The following ZMAT3 variants were observed in gnomAD, a reference collection of about 807,000 sequenced individuals.
ZMAT3 encodes zinc finger matrin-type protein 3.
ZMAT3 carries 17 observed loss-of-function variants against 32.3 expected under a neutral mutation model. That is an observed-to-expected ratio of 0.53 (90% confidence interval 0.36 to 0.79). The LOEUF is 0.79. Among genes scored for constraint, ZMAT3 ranks in the 30% least tolerant of loss-of-function variants. ZMAT3 has a pLI of 0.00. For missense variants in ZMAT3, 329 were observed against 359.7 expected, an observed-to-expected ratio of 0.91 and a Z score of 0.69; for synonymous variants, 120 against 133.1, an observed-to-expected ratio of 0.90 and a Z score of 0.68.
Position 179,023,220 on chromosome 3 carries a change from G to C in ZMAT3, c.*1797C>G, listed in dbSNP as rs1718642309. ...TCTGTCGCCCAGACTGGAGTGCAGT[G>C]GCACGATTCTTGGCTGACTGCAACC... On this transcript the variant is annotated 3_prime_UTR_variant, in exon 6 of 6. Coordinates refer to ENST00000311417, the MANE Select transcript of ZMAT3 (RefSeq NM_022470.4). The C allele has an allele frequency of 1.3e-5, 2 of 150,432 alleles. No individual in the cohort carries two copies. The highest frequency in any genetic ancestry group is 1.3e-4 in the Admixed American group (2 of 15,170). 9.3% of individuals were successfully genotyped at this position (150,432 alleles called of 1,614,324 possible). A position where few individuals can be genotyped will look rare whatever the true frequency, so the allele number is the denominator to read the frequency against.
At chr3:179,038,460 C>T (rs1719726582) in intron 2 of ZMAT3, among the ~76,000 whole-genome samples, 1 of 152,098 alleles carries the variant, frequency 6.6e-6, no homozygotes, top group African/African-American at 2.4e-5. Flanking sequence ...AACCTATGGT[C>T]CCAGCTGCTG....
In ZMAT3 at chr3:179,023,599, T is replaced by TATAA. The variant is rs1718663368; in HGVS notation, c.*1417_*1418insTTAT. On this transcript the variant is annotated 3_prime_UTR_variant, in exon 6 of 6. Transcript: ENST00000311417. ...TATCAAGCAATCTGAACTTATGGTT[T>TATAA]AGATCATGATATAAGCGCATGTTAC... The TATAA allele has an allele frequency of 5.5e-5, 8 of 144,648 alleles. No homozygotes were observed. In the South Asian group the frequency reaches 1.8e-3, roughly 32 times the overall value. The allele number at this position is 144,648 out of a possible 1,614,324, so 9.0% of individuals were successfully genotyped here.
In ZMAT3 at chr3:179,018,135, G is replaced by A. The variant is rs371146090; in HGVS notation, c.*6882C>T. 23 of 152,134 alleles carry A rather than the reference G, an allele frequency of 1.5e-4. No individual in the cohort carries two copies. The East Asian group carries it at 3.9e-3, about 26-fold the overall frequency. The allele number at this position is 152,134 out of a possible 1,614,324, so 9.4% of individuals were successfully genotyped here. ...AGTAGAAACAAACTGCCCTATTTGC[G>A]CTTTGCCCTAGGATAATATCACTCA... On this transcript the variant is annotated 3_prime_UTR_variant, in exon 6 of 6. Transcript: ENST00000311417.
At chr3:179,027,376 G>C in intron 5 of ZMAT3, 47 bp downstream of exon 5, 1 of 1,496,194 alleles carries the variant, frequency 6.7e-7, no homozygotes, top group East Asian at 2.3e-5. Flanking sequence ...AAACAAAGGA[G>C]ACTAGGTACA....
rs190554809 is a variant in ZMAT3, at chr3:179,040,941, G to A, written c.271-9942C>T. On this transcript the variant is annotated intron_variant, in intron 2 of 5. Transcript: ENST00000311417. ...AGCAGGGGTAACAATCCTACTCTCC[G>A]ATAAAACAGACTTTAAATCAACAAA... 1.6e-3 allele frequency among the ~76,000 whole-genome samples: 246 copies of A among 150,124 alleles called. 3 individuals are homozygous for A. The highest frequency in any genetic ancestry group is 5.7e-3 in the African/African-American group (232 of 40,964).
At chr3:179,067,391 G>C in intron 2 of ZMAT3, 92 bp downstream of exon 2, 1 of 1,354,880 alleles carries the variant, frequency 7.4e-7, no homozygotes, top group Non-Finnish European at 1.0e-6. Flanking sequence ...TGGTATTCCA[G>C]GCACAGTCAT....
At chr3:179,035,726 A>G (rs1424182338) in intron 2 of ZMAT3, among the ~76,000 whole-genome samples, 1 of 152,236 alleles carries the variant, frequency 6.6e-6, no homozygotes, top group Admixed American at 6.5e-5. Flanking sequence ...ATAGCAAGCA[A>G]GCAATAAATA....
Position 179,021,992 on chromosome 3 carries a change from T to A in ZMAT3, c.*3025A>T, listed in dbSNP as rs1413391316. ...AAGTTATTTATCAACTTCCCAGAGT[T>A]TGGAATTTAAGGAGCAAACTGAGTT... On this transcript the variant is annotated 3_prime_UTR_variant, in exon 6 of 6. Coordinates refer to ENST00000311417, the MANE Select transcript of ZMAT3 (RefSeq NM_022470.4). 6.6e-6 allele frequency: 1 copy of A among 152,184 alleles called. No individual in the cohort carries two copies. Among genetic ancestry groups the A allele is most frequent in the African/African-American group, 2.4e-5 (1 of 41,466 alleles). 9.4% of individuals were successfully genotyped at this position (152,184 alleles called of 1,614,324 possible).
At position 179,024,929 on chromosome 3, in the gene ZMAT3, C is replaced by A; in HGVS notation, c.*88G>T. On this transcript the variant is annotated 3_prime_UTR_variant, in exon 6 of 6. Transcript: ENST00000311417. ...TATTAACATTAAGCAGAGGAATGTA[C>A]TCATATCAAAAAGACCACAAAGCAG... 1 of 1,134,958 alleles carries A rather than the reference C, an allele frequency of 8.8e-7. No individual in the cohort carries two copies. The highest frequency in any genetic ancestry group is 1.2e-5 in the South Asian group (1 of 81,264). The allele number at this position is 1,134,958 out of a possible 1,614,324, so 70.3% of individuals were successfully genotyped here.
intron 2 of ZMAT3, among the ~76,000 whole-genome samples, chr3:179,060,623 G>T (rs1721106619): frequency 6.6e-6 from 1 of 152,094 alleles, no homozygotes; most frequent in South Asian, 2.1e-4. Context: ...TAACCTGGGT[G>T]ACAGAGTGAG....
At chr3:179,038,603 C>T (rs1284389089) in intron 2 of ZMAT3, among the ~76,000 whole-genome samples, 2 of 152,096 alleles carry the variant, frequency 1.3e-5, no homozygotes, top group Non-Finnish European at 2.9e-5. Context: ...TACAAGATGG[C>T]CAAATAGGAA....
intron 2 of ZMAT3, among the ~76,000 whole-genome samples, chr3:179,048,598 A>C (rs924096441): frequency 2.6e-5 from 4 of 152,336 alleles, no homozygotes; most frequent in African/African-American, 9.6e-5. Context: ...TGTCTTTGTC[A>C]GACAAAAAAC....
intron 2 of ZMAT3, among the ~76,000 whole-genome samples, chr3:179,052,469 G>A (rs917337042): frequency 6.6e-6 from 1 of 152,156 alleles, no homozygotes; most frequent in African/African-American, 2.4e-5. Context: ...CTGCAAGAAT[G>A]GCCATAATCA....
At chr3:179,061,315 G>A (rs1463086602) in intron 2 of ZMAT3, among the ~76,000 whole-genome samples, 4 of 152,044 alleles carry the variant, frequency 2.6e-5, no homozygotes, top group Non-Finnish European at 5.9e-5. Flanking sequence ...TGAGATTTAG[G>A]GATGGAGGGG....
intron 1 of ZMAT3, among the ~76,000 whole-genome samples, chr3:179,070,694 C>A (rs1447298589): frequency 8.5e-5 from 13 of 152,140 alleles, no homozygotes; most frequent in Non-Finnish European, 1.2e-4. Context: ...TTCTTCAAAT[C>A]TTAAAAACCA....
intron 1 of ZMAT3, among the ~76,000 whole-genome samples, chr3:179,069,186 C>T (rs1402936003): frequency 1.3e-5 from 2 of 152,170 alleles, no homozygotes; most frequent in Non-Finnish European, 2.9e-5. Context: ...ATCACACCAC[C>T]ATAAGCCACA....
At position 179,019,984 on chromosome 3, in the gene ZMAT3, G is replaced by A. The variant is rs948210843; in HGVS notation, c.*5033C>T. The A allele has an allele frequency of 6.6e-6, 1 of 152,044 alleles. No homozygotes were observed. The highest frequency in any genetic ancestry group is 1.5e-5 in the Non-Finnish European group (1 of 68,008). The allele number at this position is 152,044 out of a possible 1,614,324, so 9.4% of individuals were successfully genotyped here. A position where few individuals can be genotyped will look rare whatever the true frequency, so the allele number is the denominator to read the frequency against. ...AATGATCTCTGACTTCTGCCAGCTT[G>A]GGAAAACTGGATTCATTTTCAGAAT... On this transcript the variant is annotated 3_prime_UTR_variant, in exon 6 of 6. Coordinates refer to ENST00000311417, the MANE Select transcript of ZMAT3 (RefSeq NM_022470.4).
intron 3 of ZMAT3, among the ~76,000 whole-genome samples, chr3:179,029,389 C>T (rs951677301): frequency 6.6e-6 from 1 of 152,052 alleles, no homozygotes; most frequent in East Asian, 1.9e-4. Context: ...TTGCCTTGGG[C>T]TCAGAATTTA....
At chr3:179,044,832 A>T (rs1308948621) in intron 2 of ZMAT3, among the ~76,000 whole-genome samples, 2 of 151,982 alleles carry the variant, frequency 1.3e-5, no homozygotes, top group African/African-American at 2.4e-5. Flanking sequence ...TTGAACAAGG[A>T]TATCACTTGG....
Sources: gnomAD v4.1 joint callset for allele counts (sites outside exome capture counted in the v4.1 genomes callset) on GRCh38, gnomAD v4.1.1 for gene constraint, MANE v1.5 for transcripts, NCBI Gene and HGNC (gene_info 2026-07-23, HGNC 2026-07-21) for gene names.